Variants in RBFOX1 observed in about 807,000 individuals in gnomAD.
The protein encoded by RBFOX1 is RNA binding fox-1 homolog 1, also known as RNA binding protein fox-1 homolog 1.
RBFOX1 carries 8 observed loss-of-function variants against 57.7 expected under a neutral mutation model. The observed-to-expected ratio is 0.14, with a 90% CI of 0.08 to 0.25. The LOEUF (loss-of-function observed/expected upper bound fraction) is 0.25. Among genes scored for constraint, RBFOX1 ranks in the 10% least tolerant of loss-of-function variants. The probability of loss-of-function intolerance (pLI) is 1.00; values close to 1 mark genes in which losing one functional copy is unlikely to be tolerated. For synonymous variants in RBFOX1, 326 were observed against 222.4 expected (o/e 1.47, Z -4.15); for missense variants, 611 against 548.5 (o/e 1.11, Z -1.14).
At chr16:7,454,595 A>G (rs9935875) in intron 4 of RBFOX1, among the ~76,000 whole-genome samples, 60,318 of 152,058 alleles carry the variant, frequency 0.4, 12,275 homozygotes, top group Non-Finnish European at 0.45. Context: ...GCATGAAGGA[A>G]AACTACACAA....
chr16:5,934,183 T>G (rs138006064), intron 4 of RBFOX1, among the ~76,000 whole-genome samples: 29 of 152,242 alleles, frequency 1.9e-4, no homozygotes, highest in African/African-American at 7.0e-4. Context: ...TGCTGTTTCG[T>G]TGGCCTTCCA....
At chr16:7,287,729 A>G (rs760802475) in intron 4 of RBFOX1, among the ~76,000 whole-genome samples, 41 of 152,150 alleles carry the variant, frequency 2.7e-4, no homozygotes, top group Admixed American at 6.5e-4. Context: ...GAAAATATCT[A>G]TGTAGATCTA....
chr16:6,174,142 A>T (rs540847929), intron 1 of RBFOX1, among the ~76,000 whole-genome samples: 5 of 152,188 alleles, frequency 3.3e-5, no homozygotes, highest in Admixed American at 2.0e-4. Flanking sequence ...TTGCACTTCT[A>T]TGAGTCGGCG....
intron 1 of RBFOX1, among the ~76,000 whole-genome samples, chr16:6,049,809 G>T (rs1287683783): frequency 6.6e-6 from 1 of 151,922 alleles, no homozygotes; most frequent in Non-Finnish European, 1.5e-5. Context: ...CCTCCTTTAG[G>T]AACACCCTTC....
At chr16:6,856,765 G>A (rs185013324) in intron 3 of RBFOX1, among the ~76,000 whole-genome samples, 11 of 152,122 alleles carry the variant, frequency 7.2e-5, no homozygotes, top group African/African-American at 2.4e-4. Flanking sequence ...GTCAAAAACC[G>A]CCACTCAAGC....
intron 3 of RBFOX1, among the ~76,000 whole-genome samples, chr16:6,714,422 C>A (rs893143408): frequency 3.3e-5 from 5 of 152,138 alleles, no homozygotes; most frequent in Admixed American, 6.5e-5. Context: ...TGTGAAGCCA[C>A]TGACCACTAT....
At chr16:6,836,499 C>G (rs753491509) in intron 3 of RBFOX1, among the ~76,000 whole-genome samples, 6 of 152,194 alleles carry the variant, frequency 3.9e-5, no homozygotes, top group African/African-American at 1.4e-4. Flanking sequence ...CACTTCAAAC[C>G]TTCCTTCTAC....
At chr16:7,180,790 T>A (rs2152520362) in intron 4 of RBFOX1, among the ~76,000 whole-genome samples, 1 of 151,730 alleles carries the variant, frequency 6.6e-6, no homozygotes, top group Admixed American at 6.6e-5. Context: ...ACAGGGAAAG[T>A]TTATTTTAAG....
chr16:6,705,970 A>T (rs1352843100), intron 3 of RBFOX1, among the ~76,000 whole-genome samples: 1 of 152,278 alleles, frequency 6.6e-6, no homozygotes, highest in Non-Finnish European at 1.5e-5. Context: ...GTGAGTTAAG[A>T]TGGTGCCACT....
At chr16:6,743,351 A>G (rs1164053154) in intron 3 of RBFOX1, among the ~76,000 whole-genome samples, 1 of 152,232 alleles carries the variant, frequency 6.6e-6, no homozygotes, top group African/African-American at 2.4e-5. Flanking sequence ...AATGTTCTAA[A>G]TATACTCAGT....
At chr16:7,428,296 A>G (rs569608576) in intron 4 of RBFOX1, among the ~76,000 whole-genome samples, 10 of 145,094 alleles carry the variant, frequency 6.9e-5, no homozygotes, top group African/African-American at 2.5e-4. Context: ...TTTGTATGAG[A>G]TATATTTGAC....
chr16:7,268,746 C>T (rs2095241879), intron 4 of RBFOX1, among the ~76,000 whole-genome samples: 1 of 151,964 alleles, frequency 6.6e-6, no homozygotes, highest in African/African-American at 2.4e-5. Context: ...CAAAAGAATC[C>T]ATCTCGGCTG....
At chr16:5,376,760 G>C (rs1260493817) in intron 1 of RBFOX1, among the ~76,000 whole-genome samples, 3 of 151,748 alleles carry the variant, frequency 2.0e-5, no homozygotes, top group African/African-American at 7.3e-5. Flanking sequence ...TGTCTGCTGA[G>C]TACTTTCTTT....
intron 14 of RBFOX1, among the ~76,000 whole-genome samples, chr16:7,687,059 C>T (rs2147132080): frequency 6.6e-6 from 1 of 152,152 alleles, no homozygotes; most frequent in African/African-American, 2.4e-5. Flanking sequence ...AGTGTATTTT[C>T]ATGTGTTCCC....
At chr16:6,825,510 A>G (rs934923848) in intron 3 of RBFOX1, among the ~76,000 whole-genome samples, 1 of 152,146 alleles carries the variant, frequency 6.6e-6, no homozygotes, top group Non-Finnish European at 1.5e-5. Context: ...ACACAAAATG[A>G]ATCTCACTTT....
intron 4 of RBFOX1, among the ~76,000 whole-genome samples, chr16:7,096,938 A>AG (rs1432979034): frequency 6.9e-6 from 1 of 144,694 alleles, no homozygotes; most frequent in African/African-American, 2.8e-5. Context: ...TCTCAAAAAA[A>AG]AAAAAAAAAA....
chr16:5,970,288 T>G lies in RBFOX1; in HGVS notation c.351+102953T>G, dbSNP rs17139000. 7.5e-3 allele frequency among the ~76,000 whole-genome samples: 1,137 copies of G among 152,244 alleles called. 54 individuals are homozygous for G. In the East Asian group the frequency reaches 0.14, roughly 19 times the overall value. On this transcript the variant is annotated intron_variant, in intron 4 of 19. Transcript: ENST00000641259. ...TTGTTCTGGTTACTCTTTTTTTTTA[T>G]GTAGGGATTTTGGAAGAATTAGAGA...
At chr16:5,854,838 C>T (rs1567628771) in intron 3 of RBFOX1, among the ~76,000 whole-genome samples, 1 of 152,152 alleles carries the variant, frequency 6.6e-6, no homozygotes, top group South Asian at 2.1e-4. Context: ...TTTACATTCC[C>T]ACCCACAATG....
At chr16:6,651,202 T>C (rs2098591916) in intron 2 of RBFOX1, among the ~76,000 whole-genome samples, 1 of 152,050 alleles carries the variant, frequency 6.6e-6, no homozygotes, top group East Asian at 1.9e-4. Context: ...ACACCCGGCC[T>C]GGAACCCCTA....
Sources: allele counts gnomAD v4.1 joint callset (sites outside exome capture counted in the v4.1 genomes callset), GRCh38; gene constraint gnomAD v4.1.1; transcripts MANE v1.5; gene names NCBI Gene and HGNC (gene_info 2026-07-23, HGNC 2026-07-21).